GATAD2A: variants seen among roughly 807,000 people sequenced by gnomAD.
GATAD2A encodes GATA zinc finger domain containing 2A.
A neutral mutation model predicts 68.5 loss-of-function variants in GATAD2A; 12 were observed. The ratio of observed to expected loss-of-function variants is 0.18; its 90% confidence interval spans 0.11 to 0.28. The LOEUF (loss-of-function observed/expected upper bound fraction) is 0.28, where lower values mean the gene tolerates loss of function less well. GATAD2A is among the 10% of genes least tolerant of loss of function. The probability of loss-of-function intolerance (pLI) is 1.00; values close to 1 mark genes in which losing one functional copy is unlikely to be tolerated. For missense variants in GATAD2A, 755 were observed against 868.5 expected (o/e 0.87, Z 1.64); for synonymous variants, 410 against 375.3 (o/e 1.09, Z -1.07).
intron 8 of GATAD2A, among the ~76,000 whole-genome samples, chr19:19,499,708 C>T (rs1455970991): frequency 6.6e-6 from 1 of 151,788 alleles, no homozygotes; most frequent in Non-Finnish European, 1.5e-5. Context: ...TCCACACTTG[C>T]GTGGGGCTGG....
intron 1 of GATAD2A, among the ~76,000 whole-genome samples, chr19:19,460,688 T>C (rs935172556): frequency 6.6e-6 from 1 of 152,112 alleles, no homozygotes; most frequent in Non-Finnish European, 1.5e-5. Flanking sequence ...GTCCAGTTGC[T>C]CAGGCAAAAA....
chr19:19,416,443 G>C (rs1276279610), intron 1 of GATAD2A, among the ~76,000 whole-genome samples: 1 of 152,186 alleles, frequency 6.6e-6, no homozygotes, highest in Non-Finnish European at 1.5e-5. Context: ...CTGGCACCAG[G>C]CAGGCTTGCT....
intron 1 of GATAD2A, among the ~76,000 whole-genome samples, chr19:19,453,683 T>TAAAA (rs1568299987): frequency 2.0e-5 from 3 of 149,798 alleles, no homozygotes; most frequent in African/African-American, 7.4e-5. Context: ...TTTTAAAATT[T>TAAAA]TTTTTTTTTT....
intron 5 of GATAD2A, among the ~76,000 whole-genome samples, chr19:19,495,523 G>A (rs1374500239): frequency 6.6e-6 from 1 of 151,494 alleles, no homozygotes; most frequent in East Asian, 1.9e-4. Context: ...TGGCCAGGCT[G>A]GTCTCAAACT....
intron 8 of GATAD2A, among the ~76,000 whole-genome samples, chr19:19,499,306 C>T (rs139570205): frequency 0.017 from 2,555 of 152,280 alleles, 35 homozygotes; most frequent in Non-Finnish European, 0.028. Context: ...AGCCCCTGCT[C>T]CCCAGACATG....
chr19:19,495,714 G>A lies in GATAD2A; in HGVS notation c.625-40G>A, dbSNP rs766123379. The A allele has an allele frequency of 2.3e-5, 37 of 1,574,500 alleles. 2 individuals are homozygous for A. In the South Asian group the frequency reaches 3.7e-4, roughly 16 times the overall value. On this transcript the variant is annotated intron_variant, in intron 5 of 11. Transcript: ENST00000683918. ...CTTGCTTTAAAAAAAGTGTGGGGGG[G>A]TCCGGTCCATGTAAATCTGGGTCTT...
intron 1 of GATAD2A, among the ~76,000 whole-genome samples, chr19:19,416,238 G>A (rs750143914): frequency 6.6e-5 from 10 of 152,188 alleles, no homozygotes; most frequent in Non-Finnish European, 1.3e-4. Context: ...TCCTGCACTG[G>A]GCTCCAGTGG....
chr19:19,503,425 C>G (rs554275000), intron 11 of GATAD2A, among the ~76,000 whole-genome samples: 1 of 152,322 alleles, frequency 6.6e-6, no homozygotes, highest in Admixed American at 6.5e-5. Context: ...CTTCAGGAAA[C>G]AGCAGACGTT....
At chr19:19,465,219 CA>C in intron 1 of GATAD2A, 120 bp from the exon 2 acceptor site, 1 of 760,276 alleles carries the variant, frequency 1.3e-6, no homozygotes, top group Non-Finnish European at 2.3e-6. Flanking sequence ...GTTTGTTGTA[CA>C]TTCTTTTGCC....
chr19:19,462,857 G>T (rs1329288320), intron 1 of GATAD2A, among the ~76,000 whole-genome samples: 1 of 152,302 alleles, frequency 6.6e-6, no homozygotes, highest in Non-Finnish European at 1.5e-5. Context: ...CTCATTCAGG[G>T]TCTTGGGTTC....
intron 1 of GATAD2A, among the ~76,000 whole-genome samples, chr19:19,445,799 T>G (rs181144443): frequency 7.2e-5 from 11 of 152,380 alleles, no homozygotes; most frequent in African/African-American, 2.4e-4. Flanking sequence ...GACCACATTT[T>G]GTTTATCCAT....
At chr19:19,421,087 A>G (rs569842508) in intron 1 of GATAD2A, among the ~76,000 whole-genome samples, 4 of 152,318 alleles carry the variant, frequency 2.6e-5, no homozygotes, top group African/African-American at 9.6e-5. Flanking sequence ...TGCCTCAGCA[A>G]TGCCCGACGG....
intron 1 of GATAD2A, among the ~76,000 whole-genome samples, chr19:19,396,326 A>G (rs1189831853): frequency 1.3e-5 from 2 of 152,140 alleles, no homozygotes; most frequent in Non-Finnish European, 2.9e-5. Context: ...AAAAAAAATC[A>G]TATTTAGGCT....
At chr19:19,439,296 TA>T (rs1600126864) in intron 1 of GATAD2A, among the ~76,000 whole-genome samples, 1 of 152,228 alleles carries the variant, frequency 6.6e-6, no homozygotes, top group East Asian at 1.9e-4. Context: ...TGCTGGGTGT[TA>T]AGGATCAAAA....
intron 4 of GATAD2A, 39 bp from the exon 5 acceptor site, chr19:19,494,255 C>T (rs368205664): frequency 3.6e-5 from 43 of 1,209,714 alleles, no homozygotes; most frequent in African/African-American, 7.5e-5. Context: ...GGGACCGGCC[C>T]GGTGGCCCCT....
chr19:19,503,628 G>A (rs986117744), intron 11 of GATAD2A, among the ~76,000 whole-genome samples: 1 of 149,782 alleles, frequency 6.7e-6, no homozygotes, highest in Non-Finnish European at 1.5e-5. Context: ...GCACGGTGGT[G>A]GAAGTCATCT....
chr19:19,458,548 A>C (rs139197879), intron 1 of GATAD2A: 1 of 152,354 alleles, frequency 6.6e-6, no homozygotes, highest in African/African-American at 2.4e-5. Flanking sequence ...TGAGAGCTTA[A>C]CATTGAGTTG....
At chr19:19,420,582 C>T (rs191471257) in intron 1 of GATAD2A, among the ~76,000 whole-genome samples, 7 of 151,706 alleles carry the variant, frequency 4.6e-5, no homozygotes, top group African/African-American at 9.7e-5. Flanking sequence ...CCTCGTGATC[C>T]GCCCGCCTTG....
chr19:19,426,596 C>T (rs925880261), intron 1 of GATAD2A, among the ~76,000 whole-genome samples: 2 of 151,548 alleles, frequency 1.3e-5, no homozygotes, highest in African/African-American at 4.9e-5. Context: ...CTGCAGCCTC[C>T]GCCTCCTGGG....
Sources: allele counts gnomAD v4.1 joint callset (sites outside exome capture counted in the v4.1 genomes callset), GRCh38; gene constraint gnomAD v4.1.1; transcripts MANE v1.5; gene names NCBI Gene and HGNC (gene_info 2026-07-23, HGNC 2026-07-21).